ESRRG: variants seen among roughly 807,000 people sequenced by gnomAD.
The protein encoded by ESRRG is estrogen-related receptor gamma.
Under a neutral mutation model 44.0 loss-of-function variants are expected in ESRRG, and 13 were observed. The observed-to-expected ratio is 0.30, with a 90% confidence interval of 0.19 to 0.47. ESRRG has a LOEUF of 0.47. Ranked by LOEUF, ESRRG falls within the 20% of genes least tolerant of loss-of-function variation. ESRRG has a pLI of 1.00. For synonymous variants in ESRRG, 215 were observed against 214.6 expected (o/e 1.00, Z -0.02); for missense variants, 395 against 580.6 (o/e 0.68, Z 3.29).
At chr1:216,693,169 C>CT (rs1421704065) in intron 1 of ESRRG, among the ~76,000 whole-genome samples, 1 of 152,222 alleles carries the variant, frequency 6.6e-6, no homozygotes, top group Non-Finnish European at 1.5e-5. Context: ...CTCAGCAAGT[C>CT]TTTCCTGGCA....
chr1:216,963,923 A>C (rs942164994), intron 1 of ESRRG, among the ~76,000 whole-genome samples: 1 of 152,198 alleles, frequency 6.6e-6, no homozygotes, highest in Non-Finnish European at 1.5e-5. Flanking sequence ...GACAGACAGA[A>C]GCCAGCTAAG....
At chr1:216,919,741 C>T (rs1252088972) in intron 2 of ESRRG, among the ~76,000 whole-genome samples, 2 of 152,086 alleles carry the variant, frequency 1.3e-5, no homozygotes, top group Non-Finnish European at 2.9e-5. Context: ...AGACCTGACC[C>T]GGGTGTTAAT....
chr1:216,603,874 A>C (rs2059568424), intron 3 of ESRRG, among the ~76,000 whole-genome samples: 1 of 151,862 alleles, frequency 6.6e-6, no homozygotes, highest in Admixed American at 6.6e-5. Context: ...CGGAGGTTGC[A>C]GAGAACCTAG....
chr1:216,941,585 G>A (rs1014073305), intron 1 of ESRRG, among the ~76,000 whole-genome samples: 3 of 152,112 alleles, frequency 2.0e-5, no homozygotes, highest in Non-Finnish European at 4.4e-5. Context: ...TGTGGGCGAG[G>A]GGAGACGGTG....
chr1:216,613,717 T>C (rs1164173097), intron 3 of ESRRG, among the ~76,000 whole-genome samples: 1 of 152,228 alleles, frequency 6.6e-6, no homozygotes, highest in Non-Finnish European at 1.5e-5. Flanking sequence ...ATGCTGACCA[T>C]TCACAGTGGC....
intron 5 of ESRRG, among the ~76,000 whole-genome samples, chr1:216,540,438 TTCTA>T (rs1364195951): frequency 6.6e-6 from 1 of 151,998 alleles, no homozygotes; most frequent in Non-Finnish European, 1.5e-5. Context: ...TTGTTGAGTA[TTCTA>T]TCTTTCAAAC....
chr1:216,766,045 A>C, intron 2 of ESRRG, among the ~76,000 whole-genome samples: 1 of 152,136 alleles, frequency 6.6e-6, no homozygotes, highest in East Asian at 1.9e-4. Context: ...AGTAAAGCAA[A>C]GCAATCTTCG....
At chr1:216,936,829 T>C (rs1445225175) in intron 2 of ESRRG, 1 of 152,082 alleles carries the variant, frequency 6.6e-6, no homozygotes, top group East Asian at 1.9e-4. Flanking sequence ...GTAAATCATA[T>C]AACCTACATT....
chr1:216,566,497 C>T (rs538870220), intron 4 of ESRRG, among the ~76,000 whole-genome samples: 276 of 152,264 alleles, frequency 1.8e-3, no homozygotes, highest in African/African-American at 6.5e-3. Flanking sequence ...ACCATAGATG[C>T]TCCTCTATCA....
intron 1 of ESRRG, among the ~76,000 whole-genome samples, chr1:217,062,805 C>T (rs372967305): frequency 5.3e-4 from 81 of 152,236 alleles, no homozygotes; most frequent in South Asian, 4.6e-3. Flanking sequence ...AACACTTTTA[C>T]GGCTTGGAAA....
At chr1:217,048,530 A>G (rs1451407222) in intron 1 of ESRRG, among the ~76,000 whole-genome samples, 1 of 152,092 alleles carries the variant, frequency 6.6e-6, no homozygotes, top group Non-Finnish European at 1.5e-5. Context: ...AGCAGTGAGG[A>G]CCCAGAAGTC....
At chr1:216,865,422 ATT>A (rs201720309) in intron 2 of ESRRG, among the ~76,000 whole-genome samples, 1 of 146,704 alleles carries the variant, frequency 6.8e-6, no homozygotes. Flanking sequence ...ACAACTGTCC[ATT>A]TTTTTTTTTA....
intron 1 of ESRRG, among the ~76,000 whole-genome samples, chr1:217,041,620 A>T (rs1451489571): frequency 1.3e-5 from 2 of 152,208 alleles, no homozygotes; most frequent in African/African-American, 2.4e-5. Flanking sequence ...CACCACAACA[A>T]GCCCAGTATA....
intron 2 of ESRRG, among the ~76,000 whole-genome samples, chr1:216,854,070 T>C (rs755879480): frequency 8.5e-5 from 13 of 152,054 alleles, no homozygotes; most frequent in Non-Finnish European, 1.8e-4. Context: ...AAAAGCTCCC[T>C]AGATGTGGCA....
At chr1:216,883,870 A>T (rs2096483909) in intron 2 of ESRRG, among the ~76,000 whole-genome samples, 1 of 152,164 alleles carries the variant, frequency 6.6e-6, no homozygotes, top group Non-Finnish European at 1.5e-5. Context: ...TGGAAGCAAG[A>T]TAATATAACT....
intron 1 of ESRRG, among the ~76,000 whole-genome samples, chr1:217,120,544 C>A (rs569915955): frequency 1.3e-5 from 2 of 152,110 alleles, no homozygotes; most frequent in South Asian, 2.1e-4. Context: ...AAAGAGAAAT[C>A]TCCTTAACAT....
chr1:216,650,955 A>G lies in ESRRG; in HGVS notation c.589+18T>C. ...ACAGCAAAATCAAAACCTCAGGGGC[A>G]CTAGCAAAGAGCCTTACCTTCTTTC... On this transcript the variant is annotated intron_variant, in intron 3 of 6. Transcript: ENST00000408911. 1.3e-6 allele frequency: 2 copies of G among 1,493,492 alleles called. No individual in the cohort carries two copies. The highest frequency in any genetic ancestry group is 1.9e-6 in the Non-Finnish European group (2 of 1,070,290). The allele number at this position is 1,493,492 out of a possible 1,614,324, so 92.5% of individuals were successfully genotyped here. A position where few individuals can be genotyped will look rare whatever the true frequency, so the allele number is the denominator to read the frequency against.
intron 2 of ESRRG, among the ~76,000 whole-genome samples, chr1:216,920,383 AGT>A (rs10534433): frequency 0.21 from 25,743 of 123,852 alleles, 2,651 homozygotes; most frequent in East Asian, 0.51. Context: ...AATGTATGGG[AGT>A]GTGTGTGTGT....
At chr1:217,060,791 G>GAT (rs2088220910) in intron 1 of ESRRG, among the ~76,000 whole-genome samples, 1 of 51,382 alleles carries the variant, frequency 1.9e-5, no homozygotes, top group East Asian at 1.1e-3. Flanking sequence ...TTGAACACTA[G>GAT]ATAGATAGAT....
Sources: gnomAD v4.1 joint callset for allele counts (sites outside exome capture counted in the v4.1 genomes callset) on GRCh38, gnomAD v4.1.1 for gene constraint, MANE v1.5 for transcripts, NCBI Gene and HGNC (gene_info 2026-07-23, HGNC 2026-07-21) for gene names.